Variants in SLC16A12 observed in about 807,000 individuals in gnomAD.
SLC16A12 encodes solute carrier family 16 member 12, also known as monocarboxylate transporter 12.
A neutral mutation model predicts 42.4 loss-of-function variants in SLC16A12; 17 were observed. The observed-to-expected ratio is 0.40, with a 90% confidence interval of 0.27 to 0.60. SLC16A12 has a LOEUF of 0.60. Ranked by LOEUF, SLC16A12 falls within the 20% of genes least tolerant of loss-of-function variation. The pLI, the probability that SLC16A12 is intolerant of heterozygous loss-of-function variation, is 0.42. For synonymous variants in SLC16A12, 224 were observed against 229.4 expected, an observed-to-expected ratio of 0.98 and a Z score of 0.21; for missense variants, 544 against 623.0, an observed-to-expected ratio of 0.87 and a Z score of 1.35.
rs138057574 is a variant in SLC16A12, at chr10:89,529,033, G to A, written c.-47+5468C>T. On this transcript the variant is annotated intron_variant, in intron 2 of 7. Coordinates refer to ENST00000371790, the MANE Select transcript of SLC16A12 (RefSeq NM_213606.4). ...TAACTATTTAATAATGATGATTAAG[G>A]CTGGTTTTTGATAGTTGTCTGGTTG... Among the ~76,000 whole-genome samples the A allele has an allele frequency of 1.8e-3, 273 of 152,268 alleles. 2 individuals carry two copies. The highest frequency in any genetic ancestry group is 6.1e-3 in the African/African-American group (255 of 41,552).
chr10:89,541,143 G>A (rs1265578474), intron 2 of SLC16A12, among the ~76,000 whole-genome samples: 2 of 151,400 alleles, frequency 1.3e-5, no homozygotes, highest in South Asian at 4.2e-4. Flanking sequence ...AGCCAGGATG[G>A]TCTCGATCTC....
chr10:89,507,110 C>G (rs1369645165), intron 2 of SLC16A12, among the ~76,000 whole-genome samples: 1 of 152,056 alleles, frequency 6.6e-6, no homozygotes, highest in African/African-American at 2.4e-5. Context: ...ATTGGTGTAC[C>G]TGAAAGTGAC....
In SLC16A12 at chr10:89,502,420, G is replaced by A. The variant is rs145421336; in HGVS notation, c.-47+32081C>T. Among the ~76,000 whole-genome samples the A allele has an allele frequency of 3.8e-3, 575 of 151,976 alleles. 2 individuals are homozygous for A. The highest frequency in any genetic ancestry group is 0.02 in the Middle Eastern group (6 of 294). On this transcript the variant is annotated intron_variant, in intron 2 of 7. Coordinates refer to ENST00000371790, the MANE Select transcript of SLC16A12 (RefSeq NM_213606.4). ...AGCCAAGATCGTGCCATTGCAGCCC[G>A]GGCAACAGTGCAAGACTCCATCTCA...
chr10:89,459,600 AC>A (rs1842261779), intron 3 of SLC16A12, among the ~76,000 whole-genome samples: 1 of 152,042 alleles, frequency 6.6e-6, no homozygotes, highest in Non-Finnish European at 1.5e-5. Flanking sequence ...AAACAAACAA[AC>A]AAACAAACAA....
At chr10:89,525,410 T>G (rs1252139709) in intron 2 of SLC16A12, among the ~76,000 whole-genome samples, 19 of 152,184 alleles carry the variant, frequency 1.2e-4, no homozygotes, top group Admixed American at 1.2e-3. Flanking sequence ...TAGATCTTCA[T>G]CTGTAATAAA....
chr10:89,551,539 A>ATAGT (rs1051015136), intron 2 of SLC16A12, among the ~76,000 whole-genome samples: 1 of 152,214 alleles, frequency 6.6e-6, no homozygotes, highest in African/African-American at 2.4e-5. Flanking sequence ...TAAAGCTGAT[A>ATAGT]TAGTTTGGCT....
At chr10:89,453,320 C>T (rs1842125959) in intron 3 of SLC16A12, among the ~76,000 whole-genome samples, 1 of 152,168 alleles carries the variant, frequency 6.6e-6, no homozygotes, top group South Asian at 2.1e-4. Context: ...TAGTCTAATA[C>T]TAAAAAGTTT....
rs562061906 is a variant in SLC16A12 at position 89,436,225 on chromosome 10, G to C, written c.1123C>G (p.Leu375Val). ...AAGGTACAAGAGAAAGGCACGAGCAGAGGGAGACTTTGAAGCATTGGGAGG... is the reference window on the plus strand; with the variant it reads ...AAGGTACAAGAGAAAGGCACGAGCACAGGGAGACTTTGAAGCATTGGGAGG... ...LCLPMLQSLP[L>V]LVPFSCTFGY... is the part of the protein sequence containing the mutation. The change falls in exon 7 of 8, where the codon CTG becomes GTG. Residue 375 changes from leucine to valine, a missense_variant. Coordinates refer to ENST00000371790, the MANE Select transcript of SLC16A12 (RefSeq NM_213606.4). The C allele has an allele frequency of 6.2e-7, 1 of 1,614,160 alleles. No individual in the cohort carries two copies. Among genetic ancestry groups the C allele is most frequent in the African/African-American group, 1.3e-5 (1 of 75,050 alleles).
chr10:89,536,192 C>T (rs1360360790), upstream of SLC16A12, among the ~76,000 whole-genome samples: 1 of 152,208 alleles, frequency 6.6e-6, no homozygotes, highest in Non-Finnish European at 1.5e-5. Context: ...GAACTTTTCC[C>T]CTCAGGGTCA....
At chr10:89,490,919 C>T (rs1244670351) in intron 2 of SLC16A12, among the ~76,000 whole-genome samples, 1 of 152,146 alleles carries the variant, frequency 6.6e-6, no homozygotes, top group Non-Finnish European at 1.5e-5. Context: ...ATGAAGTTAG[C>T]TTGTTATGAA....
rs1589653398 is a variant in SLC16A12 at position 89,430,977 on chromosome 10, C to T, written c.*2087G>A. On this transcript the variant is annotated 3_prime_UTR_variant, in exon 8 of 8. Transcript: ENST00000371790. ...CCAAACAGATATAACTTCATCTTAA[C>T]TTTGACATTTTACAGATACCTTCCA... The T allele has an allele frequency of 3.4e-6, 1 of 290,692 alleles. No individual in the cohort carries two copies. Among genetic ancestry groups the T allele is most frequent in the South Asian group, 3.1e-5 (1 of 32,552 alleles). 18.0% of individuals were successfully genotyped at this position (290,692 alleles called of 1,614,324 possible). A position where few individuals can be genotyped will look rare whatever the true frequency, so the allele number is the denominator to read the frequency against.
At chr10:89,532,327 C>G (rs1589732145) in intron 2 of SLC16A12, among the ~76,000 whole-genome samples, 1 of 152,124 alleles carries the variant, frequency 6.6e-6, no homozygotes, top group Non-Finnish European at 1.5e-5. Context: ...GCCTAGCATG[C>G]ATCAGAAATT....
At chr10:89,435,825 A>C (rs1841773279) in intron 7 of SLC16A12, among the ~76,000 whole-genome samples, 1 of 151,992 alleles carries the variant, frequency 6.6e-6, no homozygotes, top group African/African-American at 2.4e-5. Flanking sequence ...TCAAGACCCT[A>C]ATTTGGGACT....
At chr10:89,459,406 T>C (rs761979369) in intron 3 of SLC16A12, among the ~76,000 whole-genome samples, 1 of 151,938 alleles carries the variant, frequency 6.6e-6, no homozygotes, top group Non-Finnish European at 1.5e-5. Context: ...TGTATGTTTG[T>C]GTGTGTGTAG....
rs1841686535 is a variant in SLC16A12 at position 89,431,042 on chromosome 10, G to A, written c.*2022C>T. 3.8e-6 allele frequency: 1 copy of A among 264,050 alleles called. No individual in the cohort carries two copies. The highest frequency in any genetic ancestry group is 2.3e-5 in the African/African-American group (1 of 42,584). The allele number at this position is 264,050 out of a possible 1,614,324, so 16.4% of individuals were successfully genotyped here. On this transcript the variant is annotated 3_prime_UTR_variant, in exon 8 of 8. Coordinates refer to ENST00000371790, the MANE Select transcript of SLC16A12 (RefSeq NM_213606.4). ...AGATGGAGTCTTGCTCTGTCGCCCAGGGTGGAGTGCAGTGGCATGATTTTG... is the reference window on the plus strand; with the variant it reads ...AGATGGAGTCTTGCTCTGTCGCCCAAGGTGGAGTGCAGTGGCATGATTTTG...
At chr10:89,450,829 G>A (rs904377802) in intron 3 of SLC16A12, among the ~76,000 whole-genome samples, 1 of 152,058 alleles carries the variant, frequency 6.6e-6, no homozygotes, top group Non-Finnish European at 1.5e-5. Context: ...GGTGAGATTA[G>A]AAATAATTAT....
intron 2 of SLC16A12, chr10:89,555,854 T>A (rs1843811928): frequency 6.6e-6 from 1 of 151,356 alleles, no homozygotes; most frequent in Non-Finnish European, 1.5e-5. Flanking sequence ...CACTACTCCC[T>A]TGTGTTTACT....
intron 2 of SLC16A12, among the ~76,000 whole-genome samples, chr10:89,466,676 C>T (rs117292429): frequency 6.6e-6 from 1 of 152,266 alleles, no homozygotes; most frequent in East Asian, 1.9e-4. Context: ...GGCTGCATTC[C>T]CTTGTGGCAG....
At chr10:89,453,309 C>A (rs1312734490) in intron 3 of SLC16A12, among the ~76,000 whole-genome samples, 1 of 152,150 alleles carries the variant, frequency 6.6e-6, no homozygotes, top group Non-Finnish European at 1.5e-5. Flanking sequence ...TTAAAAATTG[C>A]TAGTCTAATA....
Sources: gnomAD v4.1 joint callset for allele counts (sites outside exome capture counted in the v4.1 genomes callset) on GRCh38, gnomAD v4.1.1 for gene constraint, MANE v1.5 for transcripts, NCBI Gene and HGNC (gene_info 2026-07-23, HGNC 2026-07-21) for gene names.